Variants in KCNMA1 observed in about 807,000 individuals in gnomAD.
The protein encoded by KCNMA1 is Calcium-activated potassium channel subunit alpha-1.
In KCNMA1, 29 loss-of-function variants were observed where a neutral mutation model predicts 140.0. The observed-to-expected ratio is 0.21, with a 90% CI of 0.15 to 0.28. The LOEUF is 0.28. Among genes scored for constraint, KCNMA1 ranks in the 10% least tolerant of loss-of-function variants. KCNMA1 has a pLI of 1.00. For missense variants in KCNMA1, 880 were observed against 1,602.2 expected (o/e 0.55, Z 7.70); for synonymous variants, 612 against 611.9 (o/e 1.00, Z 0.00).
chr10:76,891,259 T>G, intron 26 of KCNMA1: 1 of 489,830 alleles, frequency 2.0e-6, no homozygotes, highest in South Asian at 2.1e-5. Context: ...GGTCTAGTGC[T>G]CATTCTCTCT....
intron 14 of KCNMA1, among the ~76,000 whole-genome samples, chr10:77,052,337 G>C (rs1258030502): frequency 6.6e-6 from 1 of 152,120 alleles, no homozygotes; most frequent in Admixed American, 6.5e-5. Context: ...ATTTTGAGGG[G>C]ACATGATGGT....
intron 14 of KCNMA1, among the ~76,000 whole-genome samples, chr10:77,042,241 TG>T (rs1056881590): frequency 8.3e-5 from 12 of 144,564 alleles, no homozygotes; most frequent in African/African-American, 2.7e-4. Flanking sequence ...AACTGCAATG[TG>T]TTTAGCTAAG....
At chr10:77,373,342 T>C (rs1236889011) in intron 2 of KCNMA1, among the ~76,000 whole-genome samples, 1 of 152,216 alleles carries the variant, frequency 6.6e-6, no homozygotes, top group African/African-American at 2.4e-5. Context: ...TCCCCTCTTC[T>C]GGACTCAGTT....
intron 20 of KCNMA1, among the ~76,000 whole-genome samples, chr10:76,969,521 G>A (rs1164596284): frequency 6.6e-6 from 1 of 152,160 alleles, no homozygotes; most frequent in Non-Finnish European, 1.5e-5. Flanking sequence ...GTAATCTTCA[G>A]GTTCATTTTT....
At chr10:77,282,905 A>G (rs1342260723) in intron 2 of KCNMA1, among the ~76,000 whole-genome samples, 1 of 152,232 alleles carries the variant, frequency 6.6e-6, no homozygotes, top group East Asian at 1.9e-4. Flanking sequence ...AAAACAAAAG[A>G]AAGAAACACA....
At chr10:76,894,267 G>T (rs2041541812) in intron 25 of KCNMA1, among the ~76,000 whole-genome samples, 2 of 152,002 alleles carry the variant, frequency 1.3e-5, no homozygotes, top group African/African-American at 4.8e-5. Context: ...GCAACAACTG[G>T]GTATCCACAG....
chr10:77,025,453 G>A (rs749164000), intron 16 of KCNMA1: 2 of 1,602,292 alleles, frequency 1.2e-6, no homozygotes, highest in Non-Finnish European at 8.5e-7. Context: ...TACCGCTTTC[G>A]GCTTCTGCAA....
At chr10:77,163,188 C>T (rs1263785604) in intron 5 of KCNMA1, among the ~76,000 whole-genome samples, 1 of 152,128 alleles carries the variant, frequency 6.6e-6, no homozygotes. Context: ...AATGTTTTCC[C>T]CCTACATTTT....
intron 25 of KCNMA1, 45 bp from the exon 26 acceptor site, chr10:76,891,764 C>T (rs1434828499): frequency 2.0e-6 from 3 of 1,517,232 alleles, no homozygotes; most frequent in Non-Finnish European, 2.7e-6. Context: ...TAAGCAAACA[C>T]CCTAAAGTCA....
chr10:76,961,900 A>C (rs1331940305), intron 20 of KCNMA1, among the ~76,000 whole-genome samples: 2 of 152,214 alleles, frequency 1.3e-5, no homozygotes. Flanking sequence ...TACTTGCTTT[A>C]TTGCGATATT....
At chr10:77,503,723 C>G (rs1231559039) in intron 1 of KCNMA1, among the ~76,000 whole-genome samples, 1 of 152,138 alleles carries the variant, frequency 6.6e-6, no homozygotes, top group Non-Finnish European at 1.5e-5. Context: ...AGCCTCTGCC[C>G]TCATGGATCC....
At chr10:77,119,987 A>G (rs12359374) in intron 6 of KCNMA1, among the ~76,000 whole-genome samples, 3,260 of 152,294 alleles carry the variant, frequency 0.021, 55 homozygotes, top group South Asian at 0.051. Flanking sequence ...AGGTTCATTC[A>G]GGAAGCTAGG....
chr10:77,022,588 G>A (rs1202807856), intron 16 of KCNMA1, among the ~76,000 whole-genome samples: 1 of 152,180 alleles, frequency 6.6e-6, no homozygotes, highest in African/African-American at 2.4e-5. Context: ...GGAACCCACA[G>A]TTGAGTAGAG....
At chr10:77,265,585 G>A (rs1314278689) in intron 2 of KCNMA1, among the ~76,000 whole-genome samples, 4 of 152,106 alleles carry the variant, frequency 2.6e-5, no homozygotes, top group Non-Finnish European at 4.4e-5. Flanking sequence ...GCTTCCAAAG[G>A]GGAGAAAACC....
At chr10:77,361,616 C>G (rs1236357498) in intron 2 of KCNMA1, among the ~76,000 whole-genome samples, 1 of 152,250 alleles carries the variant, frequency 6.6e-6, no homozygotes, top group Admixed American at 6.5e-5. Flanking sequence ...CTGACACCTC[C>G]CACTCCCACT....
intron 3 of KCNMA1, among the ~76,000 whole-genome samples, chr10:77,192,577 C>G (rs898612970): frequency 9.2e-5 from 14 of 152,138 alleles, no homozygotes; most frequent in African/African-American, 3.4e-4. Context: ...TTTGTTTTCT[C>G]TTCTGTAAAC....
At chr10:77,178,973 A>C (rs1186101771) in intron 5 of KCNMA1, among the ~76,000 whole-genome samples, 1 of 152,206 alleles carries the variant, frequency 6.6e-6, no homozygotes, top group African/African-American at 2.4e-5. Context: ...GCTTGCCGAC[A>C]TGACTGTCCT....
intron 19 of KCNMA1, chr10:76,980,205 A>G (rs1339190950): frequency 6.6e-6 from 1 of 152,200 alleles, no homozygotes; most frequent in African/African-American, 2.4e-5. Flanking sequence ...ACTCATACGC[A>G]GACCCTGACC....
chr10:76,887,048 A>G lies in KCNMA1; in HGVS notation c.*218T>C. 1 of 1,448,246 alleles carries G rather than the reference A, an allele frequency of 6.9e-7. No homozygotes were observed. Among genetic ancestry groups the G allele is most frequent in the African/African-American group, 1.4e-5 (1 of 70,810 alleles). 89.7% of individuals were successfully genotyped at this position (1,448,246 alleles called of 1,614,324 possible). On this transcript the variant is annotated 3_prime_UTR_variant, in exon 28 of 28. Coordinates refer to ENST00000286628, the MANE Select transcript of KCNMA1 (RefSeq NM_001161352.2). Reference sequence around the variant, plus strand: ...TTATTTTTCCCCCAGAATCATAAATAACTTTTGGTCCGTCTGCTTATTTGC... The same window carrying G: ...TTATTTTTCCCCCAGAATCATAAATGACTTTTGGTCCGTCTGCTTATTTGC...
Sources: allele counts gnomAD v4.1 joint callset (sites outside exome capture counted in the v4.1 genomes callset), GRCh38; gene constraint gnomAD v4.1.1; transcripts MANE v1.5; gene names NCBI Gene and HGNC (gene_info 2026-07-23, HGNC 2026-07-21).